Variants in AHCYL2 observed in about 807,000 individuals in gnomAD.
The protein encoded by AHCYL2 is adenosylhomocysteinase like 2, also known as S-adenosylhomocysteine hydrolase-like protein 2.
AHCYL2 carries 28 observed loss-of-function variants against 81.4 expected under a neutral mutation model. That is an observed-to-expected ratio of 0.34 (90% CI 0.25 to 0.47). The LOEUF (loss-of-function observed/expected upper bound fraction) is 0.47, where lower values mean the gene tolerates loss of function less well. Among genes scored for constraint, AHCYL2 ranks in the 20% least tolerant of loss-of-function variants. The pLI, the probability that AHCYL2 is intolerant of heterozygous loss-of-function variation, is 1.00. For synonymous variants in AHCYL2, 272 were observed against 290.2 expected (o/e 0.94, Z 0.64); for missense variants, 551 against 785.1 (o/e 0.70, Z 3.56).
At chr7:129,234,310 T>G (rs1794559836) in intron 1 of AHCYL2, among the ~76,000 whole-genome samples, 1 of 152,122 alleles carries the variant, frequency 6.6e-6, no homozygotes, top group Admixed American at 6.5e-5. Flanking sequence ...AGTGGCACTA[T>G]CTCGGCTCAC....
At chr7:129,235,930 A>G (rs761173440) in intron 1 of AHCYL2, among the ~76,000 whole-genome samples, 2 of 151,856 alleles carry the variant, frequency 1.3e-5, no homozygotes, top group Non-Finnish European at 2.9e-5. Flanking sequence ...GTGCTGCAGT[A>G]ACTATCTGTA....
At chr7:129,226,225 T>C (rs950223807) in intron 1 of AHCYL2, among the ~76,000 whole-genome samples, 3 of 152,240 alleles carry the variant, frequency 2.0e-5, no homozygotes, top group African/African-American at 7.2e-5. Flanking sequence ...TTTTCGGTCT[T>C]AGGCGTCAGC....
chr7:129,247,167 T>C (rs1795091250), intron 1 of AHCYL2, among the ~76,000 whole-genome samples: 1 of 152,340 alleles, frequency 6.6e-6, no homozygotes, highest in Admixed American at 6.5e-5. Context: ...TCCAAAGCGA[T>C]TGTATGATGT....
chr7:129,404,809 C>T (rs1003769591), intron 7 of AHCYL2, among the ~76,000 whole-genome samples: 3 of 152,132 alleles, frequency 2.0e-5, no homozygotes, highest in African/African-American at 7.2e-5. Context: ...ACCTTCAACC[C>T]GCTCCCACTC....
Position 129,397,239 on chromosome 7 carries a change from G to A in AHCYL2, c.738G>A (p.Leu246=), listed in dbSNP as rs376319935. 2.5e-6 allele frequency: 4 copies of A among 1,613,922 alleles called. No individual in the cohort carries two copies. The African/African-American group carries it at 5.3e-5, about 22-fold the overall frequency. ...TAATACAGGTGCTTATGGAAACTCT[G>A]GGTGCTCTGGGGGCCCAGTGCCGAT... ...TAQTAVLMET[L]GALGAQCRWA... The change falls in exon 5 of 17, where the codon CTG becomes CTA. Residue 246 remains leucine, a synonymous_variant. Coordinates refer to ENST00000325006, the MANE Select transcript of AHCYL2 (RefSeq NM_015328.4).
chr7:129,338,470 G>C (rs1183175321), intron 1 of AHCYL2, among the ~76,000 whole-genome samples: 1 of 152,136 alleles, frequency 6.6e-6, no homozygotes, highest in Non-Finnish European at 1.5e-5. Flanking sequence ...TATAAATTTT[G>C]ATAGATATTA....
Position 129,306,865 on chromosome 7 carries a change from C to T in AHCYL2, c.364-72773C>T, listed in dbSNP as rs112124879. 2.4e-3 allele frequency among the ~76,000 whole-genome samples: 367 copies of T among 152,312 alleles called. 2 individuals are homozygous for T. Among genetic ancestry groups the T allele is most frequent in the South Asian group, 3.9e-3 (19 of 4,824 alleles). On this transcript the variant is annotated intron_variant, in intron 1 of 16. Transcript: ENST00000325006. ...TTCATACAGACTCGTAGAGGTATCA[C>T]CTCGATGGTCTTGGGTAAGATCCAG... is the stretch of plus-strand genomic sequence containing the variant.
intron 1 of AHCYL2, among the ~76,000 whole-genome samples, chr7:129,260,450 A>G (rs953386460): frequency 2.3e-4 from 35 of 152,306 alleles, no homozygotes; most frequent in African/African-American, 7.2e-4. Flanking sequence ...CCTACCCCAG[A>G]TAGTCTCTTC....
chr7:129,382,269 A>G (rs1248100707), intron 2 of AHCYL2, among the ~76,000 whole-genome samples: 1 of 152,228 alleles, frequency 6.6e-6, no homozygotes, highest in Non-Finnish European at 1.5e-5. Context: ...ATATGTGTCA[A>G]TAAAAACTTG....
chr7:129,354,633 T>A (rs1290595705), intron 1 of AHCYL2, among the ~76,000 whole-genome samples: 1 of 152,206 alleles, frequency 6.6e-6, no homozygotes, highest in Non-Finnish European at 1.5e-5. Flanking sequence ...TAAGACTTGC[T>A]CTTGCAACCG....
At chr7:129,291,714 G>A (rs1362540056) in intron 1 of AHCYL2, among the ~76,000 whole-genome samples, 2 of 134,232 alleles carry the variant, frequency 1.5e-5, no homozygotes, top group East Asian at 2.3e-4. Context: ...GCCGTTCTTC[G>A]CCTCAGCCTC....
intron 5 of AHCYL2, 98 bp from the exon 6 acceptor site, chr7:129,400,192 G>A (rs1008850681): frequency 1.0e-6 from 1 of 1,000,806 alleles, no homozygotes; most frequent in Non-Finnish European, 1.5e-6. Context: ...CAGAATGAGA[G>A]AGTTGGAAAT....
rs1350900739 is a variant in AHCYL2 at position 129,406,355 on chromosome 7, T to G, written c.1207-23T>G. On this transcript the variant is annotated intron_variant, in intron 9 of 16. Coordinates refer to ENST00000325006, the MANE Select transcript of AHCYL2 (RefSeq NM_015328.4). This position sits in a 1 kb window ranked among gnomAD's most constrained non-coding sequence, Gnocchi z 4.3. Reference sequence around the variant, plus strand: ...GTTTTCTCAGTGACTTTCCTTAATATGTGTGCTCTCTCCCCTCTTCAGGTG... The same window carrying G: ...GTTTTCTCAGTGACTTTCCTTAATAGGTGTGCTCTCTCCCCTCTTCAGGTG... 1 of 1,608,680 alleles carries G rather than the reference T, an allele frequency of 6.2e-7. No individual in the cohort carries two copies. The highest frequency in any genetic ancestry group is 8.5e-7 in the Non-Finnish European group (1 of 1,175,122).
intron 1 of AHCYL2, among the ~76,000 whole-genome samples, chr7:129,361,062 A>G (rs1748901738): frequency 6.6e-6 from 1 of 152,188 alleles, no homozygotes; most frequent in Non-Finnish European, 1.5e-5. Context: ...CCTATTCCAG[A>G]CTTTCTAAAT....
intron 1 of AHCYL2, among the ~76,000 whole-genome samples, chr7:129,280,674 A>G (rs1796403667): frequency 1.3e-5 from 2 of 152,016 alleles, no homozygotes; most frequent in Admixed American, 1.3e-4. Context: ...AGTAGACACC[A>G]ATAAGTATGA....
At chr7:129,416,442 G>C (rs1281244047) in intron 12 of AHCYL2, among the ~76,000 whole-genome samples, 4 of 152,180 alleles carry the variant, frequency 2.6e-5, no homozygotes, top group African/African-American at 9.7e-5. Flanking sequence ...AAAAAGTAGA[G>C]CATGGTGGGA....
intron 1 of AHCYL2, among the ~76,000 whole-genome samples, chr7:129,271,558 GA>G (rs1212529452): frequency 2.6e-5 from 4 of 152,068 alleles, no homozygotes; most frequent in African/African-American, 9.7e-5. Flanking sequence ...AATGTTGAAG[GA>G]AGGAAGCCAG....
chr7:129,399,173 G>GC (rs1795900901), intron 5 of AHCYL2, among the ~76,000 whole-genome samples: 1 of 139,728 alleles, frequency 7.2e-6, no homozygotes, highest in African/African-American at 2.6e-5. Flanking sequence ...AAGAGGCCAG[G>GC]CGCGGTGGCT....
intron 1 of AHCYL2, among the ~76,000 whole-genome samples, chr7:129,355,830 A>G (rs1384879708): frequency 6.6e-6 from 1 of 152,154 alleles, no homozygotes; most frequent in Non-Finnish European, 1.5e-5. Flanking sequence ...TGTTTGATTG[A>G]TTTGCTTTGG....
Sources: gnomAD v4.1 joint callset for allele counts (sites outside exome capture counted in the v4.1 genomes callset) on GRCh38, gnomAD v4.1.1 for gene constraint, Gnocchi (gnomAD v3.1) non-coding constraint, MANE v1.5 for transcripts, NCBI Gene and HGNC (gene_info 2026-07-23, HGNC 2026-07-21) for gene names.